The following SLC44A1 variants were observed in gnomAD, a reference collection of about 807,000 sequenced individuals.
SLC44A1 encodes solute carrier family 44 member 1, also known as choline transporter-like protein 1.
SLC44A1 carries 26 observed loss-of-function variants against 79.3 expected under a neutral mutation model. The observed-to-expected ratio is 0.33, with a 90% CI of 0.24 to 0.46. The LOEUF (loss-of-function observed/expected upper bound fraction) is 0.46. Among genes scored for constraint, SLC44A1 ranks in the 20% least tolerant of loss-of-function variants. The pLI, the probability that SLC44A1 is intolerant of heterozygous loss-of-function variation, is 1.00. For synonymous variants in SLC44A1, 263 were observed against 286.2 expected (o/e 0.92, Z 0.82); for missense variants, 688 against 798.1 (o/e 0.86, Z 1.66).
At position 105,392,177 on chromosome 9, in the gene SLC44A1, G is replaced by A. The variant is rs1461611405; in HGVS notation, c.*3121G>A. 1.0e-6 allele frequency: 1 copy of A among 984,996 alleles called. No homozygotes were observed. The highest frequency in any genetic ancestry group is 1.2e-6 in the Non-Finnish European group (1 of 829,628). The allele number at this position is 984,996 out of a possible 1,614,324, so 61.0% of individuals were successfully genotyped here. A position where few individuals can be genotyped will look rare whatever the true frequency, so the allele number is the denominator to read the frequency against. On this transcript the variant is annotated 3_prime_UTR_variant, in exon 16 of 16. Transcript: ENST00000374720. ...CATGGATGAGCAGAGCTCAAAGCCA[G>A]TTGTTCCTTTAAAGCATTTAATGCA...
intron 5 of SLC44A1, among the ~76,000 whole-genome samples, chr9:105,348,813 T>A (rs563445671): frequency 6.6e-6 from 1 of 152,250 alleles, no homozygotes; most frequent in African/African-American, 2.4e-5. Flanking sequence ...TTTTTTTGAT[T>A]TATCCTAGTA....
In SLC44A1 at chr9:105,393,141, A is replaced by G; in HGVS notation, c.*4085A>G. The stretch of plus-strand genomic sequence containing the variant: ...GTATATTGAAAAAATGTGGGTTCAT[A>G]AGTAAAAGCGTAACGCAGATATTTG... On this transcript the variant is annotated 3_prime_UTR_variant, in exon 16 of 16. Coordinates refer to ENST00000374720, the MANE Select transcript of SLC44A1 (RefSeq NM_080546.5). The G allele has an allele frequency of 1.0e-6, 1 of 985,476 alleles. No individual in the cohort carries two copies. Among genetic ancestry groups the G allele is most frequent in the Non-Finnish European group, 1.2e-6 (1 of 829,942 alleles). 61.0% of individuals were successfully genotyped at this position (985,476 alleles called of 1,614,324 possible). A position where few individuals can be genotyped will look rare whatever the true frequency, so the allele number is the denominator to read the frequency against.
At chr9:105,256,418 A>C (rs1457218694) in intron 1 of SLC44A1, among the ~76,000 whole-genome samples, 1 of 152,162 alleles carries the variant, frequency 6.6e-6, no homozygotes. Context: ...AACCAGATAA[A>C]AATGTATTTC....
intron 1 of SLC44A1, among the ~76,000 whole-genome samples, chr9:105,251,247 TA>T: frequency 6.6e-6 from 1 of 152,286 alleles, no homozygotes; most frequent in East Asian, 1.9e-4. Flanking sequence ...CACCGAATGA[TA>T]CCAATGCCCT....
chr9:105,387,871 T>TAG (rs1440524234), intron 15 of SLC44A1, among the ~76,000 whole-genome samples: 39 of 152,224 alleles, frequency 2.6e-4, no homozygotes, highest in Non-Finnish European at 5.1e-4. Context: ...ATTGCCCAGG[T>TAG]TATGTGGCAT....
At chr9:105,382,690 AT>A (rs1433750915) in intron 13 of SLC44A1, among the ~76,000 whole-genome samples, 1 of 152,184 alleles carries the variant, frequency 6.6e-6, no homozygotes, top group Non-Finnish European at 1.5e-5. Context: ...GCTTATAGTG[AT>A]TTGTTTATAT....
intron 3 of SLC44A1, among the ~76,000 whole-genome samples, chr9:105,319,825 A>C (rs1826328813): frequency 6.6e-6 from 1 of 152,200 alleles, no homozygotes; most frequent in Non-Finnish European, 1.5e-5. Flanking sequence ...GATTTTGTAA[A>C]GTCGATTTTC....
At chr9:105,413,488 A>G (rs1829125275) in intron 15 of SLC44A1, among the ~76,000 whole-genome samples, 1 of 152,218 alleles carries the variant, frequency 6.6e-6, no homozygotes, top group Non-Finnish European at 1.5e-5. Flanking sequence ...CAAAAGACAT[A>G]TTACAAACAC....
intron 3 of SLC44A1, among the ~76,000 whole-genome samples, chr9:105,332,089 T>C (rs1397044443): frequency 7.2e-5 from 11 of 152,018 alleles, no homozygotes; most frequent in Admixed American, 2.6e-4. Context: ...AGAATTAAGC[T>C]TAATATCTTT....
chr9:105,260,761 G>A (rs1309441112), intron 1 of SLC44A1, among the ~76,000 whole-genome samples: 1 of 152,160 alleles, frequency 6.6e-6, no homozygotes, highest in African/African-American at 2.4e-5. Context: ...GCAAGAAGGG[G>A]AGCTATGATC....
intron 15 of SLC44A1, among the ~76,000 whole-genome samples, chr9:105,430,072 G>A (rs369222090): frequency 1.4e-3 from 213 of 152,010 alleles, no homozygotes; most frequent in African/African-American, 4.9e-3. Flanking sequence ...AATGCCCGGC[G>A]AATTTTTAAA....
intron 1 of SLC44A1, among the ~76,000 whole-genome samples, chr9:105,263,259 G>T (rs1193865708): frequency 6.6e-6 from 1 of 152,138 alleles, no homozygotes; most frequent in East Asian, 1.9e-4. Flanking sequence ...GCAGTTATTA[G>T]AAATTTCATT....
At chr9:105,333,278 CTGTGA>C (rs1826810041) in intron 3 of SLC44A1, among the ~76,000 whole-genome samples, 1 of 152,186 alleles carries the variant, frequency 6.6e-6, no homozygotes, top group South Asian at 2.1e-4. Context: ...TCTTTTTCTA[CTGTGA>C]TGTGATTTCC....
intron 3 of SLC44A1, among the ~76,000 whole-genome samples, chr9:105,319,617 A>G (rs1826322347): frequency 6.6e-6 from 1 of 151,904 alleles, no homozygotes; most frequent in African/African-American, 2.4e-5. Flanking sequence ...GTCGACGCCC[A>G]CCCTAAATAG....
chr9:105,421,588 T>C (rs1203984190), intron 15 of SLC44A1, among the ~76,000 whole-genome samples: 1 of 150,478 alleles, frequency 6.6e-6, no homozygotes, highest in African/African-American at 2.4e-5. Context: ...ATCTCTTTTT[T>C]TTTTTTTTTT....
chr9:105,394,796 G>T lies in SLC44A1; in HGVS notation c.*5740G>T, dbSNP rs1310067145. 16 of 985,300 alleles carry T rather than the reference G, an allele frequency of 1.6e-5. No homozygotes were observed. Among genetic ancestry groups the T allele is most frequent in the Non-Finnish European group, 1.8e-5 (15 of 829,942 alleles). 61.0% of individuals were successfully genotyped at this position (985,300 alleles called of 1,614,324 possible). ...AGATGCTGAAGGTAGAAATGCAAAA[G>T]ATGTTTTTTCTTCCTGCATAAATCA... On this transcript the variant is annotated 3_prime_UTR_variant, in exon 16 of 16. Transcript: ENST00000374720.
At chr9:105,279,099 T>C (rs1396044775) in intron 1 of SLC44A1, among the ~76,000 whole-genome samples, 2 of 151,776 alleles carry the variant, frequency 1.3e-5, no homozygotes, top group African/African-American at 4.8e-5. Flanking sequence ...GTCTAGGATT[T>C]TTCAGTTTAA....
intron 1 of SLC44A1, among the ~76,000 whole-genome samples, chr9:105,245,963 G>T (rs1428531675): frequency 1.3e-5 from 2 of 152,162 alleles, no homozygotes; most frequent in Non-Finnish European, 2.9e-5. Flanking sequence ...AAGCAATCAG[G>T]AATACTGCAT....
At chr9:105,418,827 C>CT (rs751215512) in intron 15 of SLC44A1, among the ~76,000 whole-genome samples, 8 of 152,188 alleles carry the variant, frequency 5.3e-5, no homozygotes, top group Non-Finnish European at 1.2e-4. Flanking sequence ...CAGATATTGT[C>CT]TAACAGACTG....
Sources: allele counts gnomAD v4.1 joint callset (sites outside exome capture counted in the v4.1 genomes callset), GRCh38; gene constraint gnomAD v4.1.1; transcripts MANE v1.5; gene names NCBI Gene and HGNC (gene_info 2026-07-23, HGNC 2026-07-21).